TSPEAR: variants seen among roughly 807,000 people sequenced by gnomAD.
TSPEAR encodes the protein thrombospondin-type laminin G domain and EAR repeat-containing protein.
TSPEAR carries 69 observed loss-of-function variants against 71.6 expected under a neutral mutation model. The observed-to-expected ratio is 0.96, with a 90% CI of 0.79 to 1.18. The LOEUF is 1.18. TSPEAR is among the 50% of genes most tolerant of loss of function. The pLI is 0.00. For missense variants in TSPEAR, 971 were observed against 894.9 expected (o/e 1.09, Z -1.09); for synonymous variants, 402 against 387.2 (o/e 1.04, Z -0.45).
intron 1 of TSPEAR, among the ~76,000 whole-genome samples, chr21:44,576,923 T>TG (rs1388799295): frequency 6.6e-6 from 1 of 151,966 alleles, no homozygotes; most frequent in Non-Finnish European, 1.5e-5. Flanking sequence ...TCAGGAGGGA[T>TG]GAAATCACAG....
rs1355694770 is a variant in TSPEAR, at chr21:44,593,422, G to C, written c.83-25417C>G. On this transcript the variant is annotated intron_variant, in intron 1 of 11. Transcript: ENST00000323084. This position sits in a 1 kb window ranked among gnomAD's most constrained non-coding sequence, Gnocchi z 5.9. ...ATCTGTCCAAAGAACCCGCACAGAA[G>C]ACACAAAATGGGTCCATGAGAAGTT... Among the ~76,000 whole-genome samples the C allele has an allele frequency of 6.6e-6, 1 of 152,148 alleles. No individual in the cohort carries two copies. Among genetic ancestry groups the C allele is most frequent in the Non-Finnish European group, 1.5e-5 (1 of 68,022 alleles).
rs1555915497 is a variant in TSPEAR at position 44,529,851 on chromosome 21, A to G, written c.737T>C (p.Leu246Pro). 2 of 1,613,884 alleles carry G rather than the reference A, an allele frequency of 1.2e-6. No individual in the cohort carries two copies. The highest frequency in any genetic ancestry group is 2.2e-5 in the South Asian group (2 of 91,086). The part of the protein sequence containing the change: ...PLAVLSIPRV[L>P]QALTGKPEDN... ...TTCTGGCTTCCCCGTGAGAGCCTGC[A>G]GGACCCGTGGGATGGACAGCACCGC... The change falls in exon 5 of 12, where the codon CTG becomes CCG. Residue 246 changes from leucine (L) to proline (P), a missense_variant. Leu to Pro is a moderately conservative substitution (Grantham distance 98, BLOSUM62 -3). Transcript: ENST00000323084.
In TSPEAR at chr21:44,612,326, T is replaced by G; in HGVS notation, c.83-44321A>C. 1.9e-6 allele frequency: 3 copies of G among 1,613,774 alleles called. No individual in the cohort carries two copies. The highest frequency in any genetic ancestry group is 1.7e-6 in the Non-Finnish European group (2 of 1,179,996). The stretch of plus-strand genomic sequence containing the variant: ...CCCAGCCCCCTGCCTGGCCCTGGTC[T>G]GTGCCCCAGTGAGCTGTGAGCCCAG... On this transcript the variant is annotated intron_variant, in intron 1 of 11. Coordinates refer to ENST00000323084, the MANE Select transcript of TSPEAR (RefSeq NM_144991.3). This position sits in a 1 kb window ranked among gnomAD's most constrained non-coding sequence, Gnocchi z 4.1.
intron 1 of TSPEAR, among the ~76,000 whole-genome samples, chr21:44,691,610 T>C (rs73234865): frequency 0.021 from 3,243 of 152,284 alleles, 56 homozygotes; most frequent in Non-Finnish European, 0.029. Flanking sequence ...AAGTGAGAAA[T>C]AGTTCTACAA....
rs781901777 is a variant in TSPEAR, at chr21:44,593,772, T to C, written c.83-25767A>G. On this transcript the variant is annotated intron_variant, in intron 1 of 11. Coordinates refer to ENST00000323084, the MANE Select transcript of TSPEAR (RefSeq NM_144991.3). The surrounding 1 kb of genome is among the most constrained non-coding windows in gnomAD (Gnocchi z 5.9). ...CCTACACTGAGAGGACGGACTCTGC[T>C]CTCACGCCACAGCTGCTGTTTTTCT... Among the ~76,000 whole-genome samples, 8 of 152,150 alleles carry C rather than the reference T, an allele frequency of 5.3e-5. No homozygotes were observed. The highest frequency in any genetic ancestry group is 1.3e-4 in the Admixed American group (2 of 15,276).
chr21:44,627,104 A>C (rs1982842826), intron 1 of TSPEAR: 1 of 1,572,342 alleles, frequency 6.4e-7, no homozygotes. Context: ...CACACTCACA[A>C]ACTCACTCAC....
chr21:44,697,511 T>C (rs1555950847), intron 1 of TSPEAR: 4 of 1,613,990 alleles, frequency 2.5e-6, no homozygotes, highest in Non-Finnish European at 1.7e-6. Flanking sequence ...CCAGCAGGCC[T>C]GCTGCGTGCC....
intron 1 of TSPEAR, among the ~76,000 whole-genome samples, chr21:44,660,899 A>G (rs7282421): frequency 0.77 from 116,668 of 152,054 alleles, 45,251 homozygotes; most frequent in African/African-American, 0.89. Context: ...CCCGGGAGGC[A>G]GAGGTTGCAG....
At chr21:44,640,721 C>A (rs1185926368) in intron 1 of TSPEAR, among the ~76,000 whole-genome samples, 1 of 152,136 alleles carries the variant, frequency 6.6e-6, no homozygotes, top group Admixed American at 6.5e-5. Context: ...AAAGGCAAGA[C>A]AAAAAGATCA....
intron 1 of TSPEAR, chr21:44,654,477 G>A: frequency 1.2e-6 from 2 of 1,613,896 alleles, no homozygotes; most frequent in Non-Finnish European, 1.7e-6. Flanking sequence ...ACAGGGGCCG[G>A]CACAGCAGAG....
chr21:44,567,254 G>A (rs1362951277), intron 2 of TSPEAR, among the ~76,000 whole-genome samples: 5 of 152,174 alleles, frequency 3.3e-5, no homozygotes, highest in Non-Finnish European at 2.9e-5. Context: ...CATGAGAAGT[G>A]CTCAACACCA....
rs1212160301 is a variant in TSPEAR at position 44,645,264 on chromosome 21, T to C, written c.82+66169A>G. Among the ~76,000 whole-genome samples the C allele has an allele frequency of 5.3e-5, 8 of 151,802 alleles. 1 individual carries two copies. The highest frequency in any genetic ancestry group is 1.5e-4 in the African/African-American group (6 of 41,326). ...GCCTCTGAGGGTGGCATGGAAGAGC[T>C]GAAGAGACAAAAATAAAGCTTGGAT... On this transcript the variant is annotated intron_variant, in intron 1 of 11. Transcript: ENST00000323084.
intron 2 of TSPEAR, among the ~76,000 whole-genome samples, chr21:44,562,835 T>C (rs1347690988): frequency 1.3e-5 from 2 of 152,178 alleles, no homozygotes; most frequent in African/African-American, 2.4e-5. Context: ...GGGAATCTAT[T>C]ACCTGCAGAT....
intron 2 of TSPEAR, among the ~76,000 whole-genome samples, chr21:44,562,143 CA>C (rs2053644229): frequency 1.3e-5 from 2 of 152,124 alleles, no homozygotes; most frequent in South Asian, 2.1e-4. Flanking sequence ...TCTCAGCATG[CA>C]AAATCAATGT....
chr21:44,590,174 C>T (rs2146119475), intron 1 of TSPEAR, among the ~76,000 whole-genome samples: 1 of 152,366 alleles, frequency 6.6e-6, no homozygotes, highest in Admixed American at 6.5e-5. Context: ...CTGGCGTTGA[C>T]ATGCAAGGGT....
chr21:44,612,835 C>T lies in TSPEAR; in HGVS notation c.83-44830G>A. The stretch of plus-strand genomic sequence containing the variant: ...CCAGCTGCTGCCACCCGGCCTCCTG[C>T]CTGTCCTTCCTCTGCCGCCCCGCGT... On this transcript the variant is annotated intron_variant, in intron 1 of 11. Transcript: ENST00000323084. This position sits in a 1 kb window ranked among gnomAD's most constrained non-coding sequence, Gnocchi z 4.1. 5 of 1,612,794 alleles carry T rather than the reference C, an allele frequency of 3.1e-6. No homozygotes were observed. Among genetic ancestry groups the T allele is most frequent in the Non-Finnish European group, 4.2e-6 (5 of 1,179,790 alleles).
At chr21:44,682,367 G>T (rs1555948236) in intron 1 of TSPEAR, among the ~76,000 whole-genome samples, 4 of 152,122 alleles carry the variant, frequency 2.6e-5, no homozygotes. Context: ...GTTACATTTG[G>T]AAACCTGCCC....
At chr21:44,556,715 GGATT>G in intron 2 of TSPEAR, among the ~76,000 whole-genome samples, 1 of 152,056 alleles carries the variant, frequency 6.6e-6, no homozygotes, top group Non-Finnish European at 1.5e-5. Context: ...GTTGCTCCAG[GGATT>G]CCAGTTCTGG....
intron 1 of TSPEAR, among the ~76,000 whole-genome samples, chr21:44,688,443 G>A (rs8131699): frequency 0.48 from 72,341 of 152,016 alleles, 17,326 homozygotes; most frequent in South Asian, 0.55. Flanking sequence ...AGAGACGGCC[G>A]GGCGCGGTGG....
Sources: gnomAD v4.1 joint callset for allele counts (sites outside exome capture counted in the v4.1 genomes callset) on GRCh38, gnomAD v4.1.1 for gene constraint, Gnocchi (gnomAD v3.1) non-coding constraint, MANE v1.5 for transcripts, NCBI Gene and HGNC (gene_info 2026-07-23, HGNC 2026-07-21) for gene names.